Variants in HLA-DPB1 observed in about 807,000 individuals in gnomAD.
HLA-DPB1 encodes the protein HLA class II histocompatibility antigen, DP beta 1 chain.
Under a neutral mutation model 29.4 loss-of-function variants are expected in HLA-DPB1, and 30 were observed. The ratio of observed to expected loss-of-function variants is 1.02; its 90% CI spans 0.76 to 1.38. HLA-DPB1 has a LOEUF of 1.38. HLA-DPB1 is among the 40% of genes most tolerant of loss of function. HLA-DPB1 has a pLI of 0.00. For synonymous variants in HLA-DPB1, 114 were observed against 134.0 expected, an observed-to-expected ratio of 0.85 and a Z score of 1.03; for missense variants, 261 against 327.5, an observed-to-expected ratio of 0.80 and a Z score of 1.57.
In HLA-DPB1 at chr6:33,084,862, A is replaced by G. The variant is rs1359528063; in HGVS notation, c.365-88A>G. ...ATGTCTCAAAAAAAAGGAAGGAAGGAAGGAAGGAAGGAAGGAAGGAAGGAA... is the reference window on the plus strand; with the variant it reads ...ATGTCTCAAAAAAAAGGAAGGAAGGGAGGAAGGAAGGAAGGAAGGAAGGAA... On this transcript the variant is annotated intron_variant, in intron 2 of 5. Coordinates refer to ENST00000418931, the MANE Select transcript of HLA-DPB1 (RefSeq NM_002121.6). 6.1e-6 allele frequency: 2 copies of G among 330,386 alleles called. 1 individual carries two copies. The highest frequency in any genetic ancestry group is 6.6e-5 in the African/African-American group (2 of 30,142). 20.5% of individuals were successfully genotyped at this position (330,386 alleles called of 1,614,324 possible).
Position 33,086,236 on chromosome 6 carries a change from T to C in HLA-DPB1, c.775T>C (p.Ter259GlnextTer53). Residue 259 changes from the stop codon to glutamine, a stop_lost, in exon 5 of 6, where the codon TAA becomes CAA. Coordinates refer to ENST00000418931, the MANE Select transcript of HLA-DPB1 (RefSeq NM_002121.6). ...RSKKVQRGSA[*>Q] ...CATTTCAGTTCAACGAGGATCTGCA[T>C]AAACAGGTAATATTCCTGCTTTGAT... The C allele has an allele frequency of 6.3e-7, 1 of 1,579,862 alleles. No individual in the cohort carries two copies. The highest frequency in any genetic ancestry group is 8.7e-7 in the Non-Finnish European group (1 of 1,150,840).
intron 2 of HLA-DPB1, 148 bp from the exon 3 acceptor site, chr6:33,084,801 CA>C: frequency 3.1e-6 from 2 of 649,418 alleles, no homozygotes; most frequent in South Asian, 4.1e-5. Flanking sequence ...TCCATCTCAA[CA>C]AAAAGAAAGA....
chr6:33,079,621 C>A, intron 1 of HLA-DPB1: 2 of 459,878 alleles, frequency 4.3e-6, no homozygotes, highest in Admixed American at 2.4e-5. Context: ...TGATGCCCAA[C>A]ATTGCTTATG....
intron 3 of HLA-DPB1, 85 bp from the exon 4 acceptor site, chr6:33,085,692 CTG>C (rs2150378157): frequency 1.1e-6 from 1 of 917,210 alleles, no homozygotes; most frequent in East Asian, 2.4e-5. Context: ...TCCCGATATG[CTG>C]CATCAGGCTC....
At position 33,080,519 on chromosome 6, in the gene HLA-DPB1, A is replaced by T; in HGVS notation, c.101-153A>T. The stretch of plus-strand genomic sequence containing the variant: ...CCTGGAGAGGCTCTGCGACCCGCTT[A>T]GGACCACAGAACTCGGTACTAGGAA... On this transcript the variant is annotated intron_variant, in intron 1 of 5. Coordinates refer to ENST00000418931, the MANE Select transcript of HLA-DPB1 (RefSeq NM_002121.6). This position sits in a 1 kb window ranked among gnomAD's most constrained non-coding sequence, Gnocchi z 4.3. The T allele has an allele frequency of 9.1e-7, 1 of 1,101,718 alleles. No homozygotes were observed. Among genetic ancestry groups the T allele is most frequent in the Non-Finnish European group, 1.4e-6 (1 of 737,562 alleles). 68.2% of individuals were successfully genotyped at this position (1,101,718 alleles called of 1,614,324 possible).
At chr6:33,085,957 G>C in intron 4 of HLA-DPB1, 68 bp downstream of exon 4, 1 of 1,067,744 alleles carries the variant, frequency 9.4e-7, no homozygotes, top group South Asian at 1.5e-5. Context: ...TCCACGATGA[G>C]GGGTTTGACA....
In HLA-DPB1 at chr6:33,080,732, T is replaced by C. The variant is rs1465711975; in HGVS notation, c.161T>C (p.Leu54Pro). ...CYAFNGTQRF[L>P]ERYIYNREEF... ...GCGTTTAATGGGACACAGCGCTTCC[T>C]GGAGAGATACATCTACAACCGGGAG... The change falls in exon 2 of 6, where the codon CTG becomes CCG. Residue 54 changes from leucine to proline, a missense_variant. Physicochemically the swap from Leu to Pro is moderately conservative, Grantham distance 98. Transcript: ENST00000418931. This position sits in a 1 kb window ranked among gnomAD's most constrained non-coding sequence, Gnocchi z 4.3. 1 of 1,613,438 alleles carries C rather than the reference T, an allele frequency of 6.2e-7. No individual in the cohort carries two copies. Among genetic ancestry groups the C allele is most frequent in the East Asian group, 2.2e-5 (1 of 44,878 alleles).
chr6:33,081,533 G>A (rs181363616), intron 2 of HLA-DPB1, among the ~76,000 whole-genome samples: 2 of 152,250 alleles, frequency 1.3e-5, no homozygotes, highest in African/African-American at 4.8e-5. Context: ...GGCCCGCAGA[G>A]AAGAGTCTTG....
In HLA-DPB1 at chr6:33,084,843, C is replaced by CA. The variant is rs111291348; in HGVS notation, c.365-99dup. On this transcript the variant is annotated intron_variant, in intron 2 of 5. Coordinates refer to ENST00000418931, the MANE Select transcript of HLA-DPB1 (RefSeq NM_002121.6). ...AGAAAGAAAGAGCGAGATTATGTCT[C>CA]AAAAAAAAGGAAGGAAGGAAGGAAG... 82 of 659,594 alleles carry CA rather than the reference C, an allele frequency of 1.2e-4. 14 individuals carry two copies. The African/African-American group carries it at 3.2e-3, about 26-fold the overall frequency. The allele number at this position is 659,594 out of a possible 1,614,324, so 40.9% of individuals were successfully genotyped here.
chr6:33,082,125 T>A (rs111721461), intron 2 of HLA-DPB1: 22,162 of 152,156 alleles, frequency 0.15, 3,148 homozygotes, highest in African/African-American at 0.37. Context: ...GTGGACACAC[T>A]GGGTGGGGAT....
rs1274719583 is a variant in HLA-DPB1 at position 33,085,180 on chromosome 6, A to G, written c.595A>G (p.Thr199Ala). 6.2e-7 allele frequency: 1 copy of G among 1,613,140 alleles called. No individual in the cohort carries two copies. Among genetic ancestry groups the G allele is most frequent in the African/African-American group, 1.3e-5 (1 of 74,986 alleles). ...GACCCCCCAGCAGGGAGATGTCTACACCTGCCAAGTGGAGCACACCAGCCT... is the reference window on the plus strand; with the variant it reads ...GACCCCCCAGCAGGGAGATGTCTACGCCTGCCAAGTGGAGCACACCAGCCT... ...EMTPQQGDVY[T>A]CQVEHTSLDS... The change falls in exon 3 of 6, where the codon ACC (threonine) becomes GCC (alanine). Residue 199 changes from threonine (T) to alanine (A), a missense_variant. Transcript: ENST00000418931.
intron 1 of HLA-DPB1, among the ~76,000 whole-genome samples, chr6:33,077,182 T>A (rs1024316893): frequency 6.6e-6 from 1 of 151,296 alleles, no homozygotes; most frequent in Non-Finnish European, 1.5e-5. Flanking sequence ...TGGTTTTTTG[T>A]CCTTGCAATA....
rs1216756398 is a variant in HLA-DPB1, at chr6:33,086,552, A to G, written c.*18A>G. ...TTACCCCCACAGGGTTCCTGAGCTC[A>G]CTGAAAAGACTATTGTGCCTTAGGA... On this transcript the variant is annotated 3_prime_UTR_variant, in exon 6 of 6. Transcript: ENST00000418931. The G allele has an allele frequency of 4.7e-6, 3 of 633,924 alleles. No homozygotes were observed. Among genetic ancestry groups the G allele is most frequent in the African/African-American group, 1.9e-5 (1 of 53,188 alleles). The allele number at this position is 633,924 out of a possible 1,614,324, so 39.3% of individuals were successfully genotyped here.
At chr6:33,082,939 A>G (rs1410617806) in intron 2 of HLA-DPB1, among the ~76,000 whole-genome samples, 9 of 152,218 alleles carry the variant, frequency 5.9e-5, no homozygotes, top group Non-Finnish European at 1.0e-4. Flanking sequence ...TGCTCCTGTC[A>G]AAGAATATTG....
chr6:33,079,409 G>A (rs373112989), intron 1 of HLA-DPB1: 4 of 195,454 alleles, frequency 2.0e-5, no homozygotes, highest in South Asian at 1.7e-4. Context: ...TGTCTTCCTC[G>A]GTGCTGCCTA....
At chr6:33,078,885 T>C (rs2567279) in intron 1 of HLA-DPB1, among the ~76,000 whole-genome samples, 41,526 of 152,024 alleles carry the variant, frequency 0.27, 5,999 homozygotes, top group Admixed American at 0.38. Context: ...AGTGGGGCAA[T>C]TGAACAGGCA....
chr6:33,080,546 AC>A lies in HLA-DPB1; in HGVS notation c.101-125del, dbSNP rs1324633609. On this transcript the variant is annotated intron_variant, in intron 1 of 5. Transcript: ENST00000418931. The surrounding 1 kb of genome is among the most constrained non-coding windows in gnomAD (Gnocchi z 4.3). ...GACCACAGAACTCGGTACTAGGAAA[AC>A]TCCTATTTTAAAATCCAGCCCTGGG... 1.4e-6 allele frequency: 2 copies of A among 1,399,904 alleles called. No individual in the cohort carries two copies. Among genetic ancestry groups the A allele is most frequent in the Non-Finnish European group, 2.0e-6 (2 of 1,002,936 alleles). 86.7% of individuals were successfully genotyped at this position (1,399,904 alleles called of 1,614,324 possible).
chr6:33,081,156 C>A, intron 2 of HLA-DPB1: 1 of 561,904 alleles, frequency 1.8e-6, no homozygotes, highest in Non-Finnish European at 3.1e-6. Context: ...AGCAGAGAGA[C>A]CCCCGGGACT....
At position 33,089,208 on chromosome 6, in the gene HLA-DPB1, T is replaced by C. The variant is rs1763246075; in HGVS notation, c.*2674T>C. On this transcript the variant is annotated 3_prime_UTR_variant, in exon 6 of 6. Coordinates refer to ENST00000418931, the MANE Select transcript of HLA-DPB1 (RefSeq NM_002121.6). ...TACCATAGTTGATGCCTTTTGAGCA[T>C]GTTGCATTGTAAACTGTCCCTGAAA... Among the ~76,000 whole-genome samples the C allele has an allele frequency of 6.6e-6, 1 of 152,184 alleles. No homozygotes were observed. The highest frequency in any genetic ancestry group is 1.5e-5 in the Non-Finnish European group (1 of 68,034).
Sources: allele counts gnomAD v4.1 joint callset (sites outside exome capture counted in the v4.1 genomes callset), GRCh38; gene constraint gnomAD v4.1.1; non-coding constraint Gnocchi (gnomAD v3.1); transcripts MANE v1.5; gene names NCBI Gene and HGNC (gene_info 2026-07-23, HGNC 2026-07-21).